Variants in C10orf143 observed in about 807,000 individuals in gnomAD.
C10orf143 encodes the protein uncharacterized protein C10orf143.
chr10:130,081,050 C>T (rs1861199363), intron 1 of C10orf143, among the ~76,000 whole-genome samples: 1 of 152,046 alleles, frequency 6.6e-6, no homozygotes, highest in Non-Finnish European at 1.5e-5. Context: ...AATACAAATC[C>T]TTCTACATCC....
chr10:130,065,227 T>C lies in C10orf143; in HGVS notation c.298-844A>G, dbSNP rs1860911688. Reference sequence around the variant, plus strand: ...AGACAGGAGAGACTCTGAACTTGCCTGGAGGGATTATCAGACAGCAGAGTA... The same window carrying C: ...AGACAGGAGAGACTCTGAACTTGCCCGGAGGGATTATCAGACAGCAGAGTA... On this transcript the variant is annotated intron_variant, in intron 3 of 3. Transcript: ENST00000637128. The surrounding 1 kb of genome is among the most constrained non-coding windows in gnomAD (Gnocchi z 4.2). 6.6e-6 allele frequency: 1 copy of C among 152,208 alleles called. No homozygotes were observed. Among genetic ancestry groups the C allele is most frequent in the Admixed American group, 6.5e-5 (1 of 15,276 alleles). 9.4% of individuals were successfully genotyped at this position (152,208 alleles called of 1,614,324 possible). A position where few individuals can be genotyped will look rare whatever the true frequency, so the allele number is the denominator to read the frequency against.
At chr10:130,060,809 C>T (rs1417895193), downstream of C10orf143, among the ~76,000 whole-genome samples, 17 of 101,176 alleles carry the variant, frequency 1.7e-4, no homozygotes, top group Middle Eastern at 0.011. Flanking sequence ...GGTGACAGAG[C>T]GAGACTCCGT....
intron 1 of C10orf143, among the ~76,000 whole-genome samples, chr10:130,084,319 G>A (rs1264206651): frequency 2.0e-5 from 3 of 150,322 alleles, no homozygotes. Context: ...ATCTCAAAAA[G>A]AAAAAAAAAA....
rs74793955 is a variant in C10orf143, at chr10:130,078,776, T to C, written c.297+790A>G. 3.3e-3 allele frequency among the ~76,000 whole-genome samples: 504 copies of C among 152,308 alleles called. 6 individuals are homozygous for C. Among genetic ancestry groups the C allele is most frequent in the African/African-American group, 0.012 (479 of 41,556 alleles). ...GTCAATTGAGGATCTCCATAATTTA[T>C]TGACTCAATCTTTTGCTTATCAAAA... On this transcript the variant is annotated intron_variant, in intron 3 of 3. Coordinates refer to ENST00000637128, the MANE Select transcript of C10orf143 (RefSeq NM_001355042.2).
At chr10:130,101,330 G>C (rs901813575) in intron 1 of C10orf143, 6 of 151,916 alleles carry the variant, frequency 3.9e-5, no homozygotes, top group African/African-American at 1.5e-4. Context: ...GAACCATGAA[G>C]AAAACTATAT....
At chr10:130,080,127 T>C (rs987441923) in intron 1 of C10orf143, among the ~76,000 whole-genome samples, 12 of 152,250 alleles carry the variant, frequency 7.9e-5, no homozygotes, top group South Asian at 2.1e-4. Context: ...CTTAGCTTTA[T>C]ACATTTAAAA....
In C10orf143 at chr10:130,090,809, G is replaced by A. The variant is rs543853445; in HGVS notation, c.70-10908C>T. Among the ~76,000 whole-genome samples the A allele has an allele frequency of 6.6e-5, 10 of 152,266 alleles. No homozygotes were observed. In the South Asian group the frequency reaches 2.1e-3, roughly 32 times the overall value. ...TGTAAACAAAGCCTCCAGGAAGTTCGAACTGGGTGGAGCCCACCACAGTTT... is the reference window on the plus strand; with the variant it reads ...TGTAAACAAAGCCTCCAGGAAGTTCAAACTGGGTGGAGCCCACCACAGTTT... On this transcript the variant is annotated intron_variant, in intron 1 of 3. Coordinates refer to ENST00000637128, the MANE Select transcript of C10orf143 (RefSeq NM_001355042.2).
chr10:130,051,348 C>T (rs12777576), intron 3 of C10orf143, among the ~76,000 whole-genome samples: 485 of 74,888 alleles, frequency 6.5e-3, no homozygotes, highest in South Asian at 0.016. Flanking sequence ...CTCCCTCTCC[C>T]GCCCCCACCT....
intron 1 of C10orf143, among the ~76,000 whole-genome samples, chr10:130,087,764 G>A (rs1407440616): frequency 1.3e-5 from 2 of 152,180 alleles, no homozygotes; most frequent in Non-Finnish European, 2.9e-5. Context: ...CCAGACAGGG[G>A]ACATCTCCCC....
chr10:130,046,150 C>T (rs1337185854), intron 3 of C10orf143, among the ~76,000 whole-genome samples: 2 of 133,596 alleles, frequency 1.5e-5, no homozygotes, highest in African/African-American at 5.7e-5. Context: ...GGGCAGGGCA[C>T]GAGGAGTGGG....
chr10:130,087,279 T>A lies in C10orf143; in HGVS notation c.70-7378A>T, dbSNP rs79170329. Among the ~76,000 whole-genome samples, 359 of 152,240 alleles carry A rather than the reference T, an allele frequency of 2.4e-3. 1 individual carries two copies. The highest frequency in any genetic ancestry group is 8.3e-3 in the African/African-American group (343 of 41,534). Reference sequence around the variant, plus strand: ...GGGCTGCTTACGTTGAACGAGAAGATCTGTCAGCCTTCGCAAAGGCAGATG... The same window carrying A: ...GGGCTGCTTACGTTGAACGAGAAGAACTGTCAGCCTTCGCAAAGGCAGATG... On this transcript the variant is annotated intron_variant, in intron 1 of 3. Coordinates refer to ENST00000637128, the MANE Select transcript of C10orf143 (RefSeq NM_001355042.2).
intron 3 of C10orf143, among the ~76,000 whole-genome samples, chr10:130,074,115 G>A (rs1861075998): frequency 6.6e-6 from 1 of 152,242 alleles, no homozygotes; most frequent in African/African-American, 2.4e-5. Flanking sequence ...GTCTTGGGGA[G>A]TGATGCCGGC....
intron 3 of C10orf143, among the ~76,000 whole-genome samples, chr10:130,064,588 G>A (rs1860898520): frequency 6.6e-6 from 1 of 152,046 alleles, no homozygotes; most frequent in Non-Finnish European, 1.5e-5. Flanking sequence ...TTCCAGTAGT[G>A]ACTGGTACAC....
intron 1 of C10orf143, chr10:130,107,336 C>T: frequency 9.4e-7 from 1 of 1,058,220 alleles, no homozygotes; most frequent in South Asian, 1.3e-5. Context: ...GACCTACAGA[C>T]AGCGAGCCAA....
chr10:130,062,921 G>A (rs1860871919), downstream of C10orf143, among the ~76,000 whole-genome samples: 1 of 152,142 alleles, frequency 6.6e-6, no homozygotes, highest in African/African-American at 2.4e-5. Context: ...AGGAGGGAGG[G>A]CACTGACACT....
chr10:130,046,723 C>T (rs1056733370), intron 3 of C10orf143, among the ~76,000 whole-genome samples: 1 of 152,362 alleles, frequency 6.6e-6, no homozygotes, highest in Non-Finnish European at 1.5e-5. Context: ...TGGGAGGGGC[C>T]TTGGGCCATG....
chr10:130,088,295 A>C (rs540909818), intron 1 of C10orf143, among the ~76,000 whole-genome samples: 24 of 152,146 alleles, frequency 1.6e-4, no homozygotes, highest in Non-Finnish European at 3.2e-4. Context: ...AAGGAAGGAG[A>C]ATCACTTGAA....
At chr10:130,080,087 C>G (rs1861182025) in intron 1 of C10orf143, among the ~76,000 whole-genome samples, 186 bp from the exon 2 acceptor site, 2 of 152,154 alleles carry the variant, frequency 1.3e-5, no homozygotes, top group Non-Finnish European at 2.9e-5. Flanking sequence ...TACATTTAAC[C>G]TCATTATTTC....
intron 1 of C10orf143, among the ~76,000 whole-genome samples, chr10:130,082,780 A>T (rs772908567): frequency 5.9e-5 from 9 of 152,232 alleles, no homozygotes; most frequent in African/African-American, 1.2e-4. Context: ...CAGATGCATT[A>T]GGGACCTGAA....
Sources: allele counts gnomAD v4.1 joint callset (sites outside exome capture counted in the v4.1 genomes callset), GRCh38; gene constraint gnomAD v4.1.1; non-coding constraint Gnocchi (gnomAD v3.1); transcripts MANE v1.5; gene names NCBI Gene and HGNC (gene_info 2026-07-23, HGNC 2026-07-21).